Variants in LRRC4C observed in about 807,000 individuals in gnomAD.
LRRC4C encodes leucine-rich repeat-containing protein 4C.
Under a neutral mutation model 33.6 loss-of-function variants are expected in LRRC4C, and 5 were observed. That is an observed-to-expected ratio of 0.15 (90% CI 0.08 to 0.31). The LOEUF (loss-of-function observed/expected upper bound fraction) is 0.31. Among genes scored for constraint, LRRC4C ranks in the 10% least tolerant of loss-of-function variants. The probability of loss-of-function intolerance (pLI) is 1.00; values close to 1 mark genes in which losing one functional copy is unlikely to be tolerated. For missense variants in LRRC4C, 560 were observed against 796.7 expected (o/e 0.70, Z 3.58); for synonymous variants, 329 against 302.0 (o/e 1.09, Z -0.93).
Position 40,795,599 on chromosome 11 carries a change from A to T in LRRC4C, c.-407+138036T>A, listed in dbSNP as rs376836547. ...AAATAGAAACGGTAATTATGCAGAA[A>T]GGCCCCAGAAGGGTTGCTTTGTGTT... On this transcript the variant is annotated intron_variant, in intron 2 of 6. Transcript: ENST00000528697. Among the ~76,000 whole-genome samples, 5 of 152,294 alleles carry T rather than the reference A, an allele frequency of 3.3e-5. No homozygotes were observed. In the South Asian group the frequency reaches 6.2e-4, roughly 19 times the overall value.
chr11:41,388,591 A>G (rs1317503310), intron 1 of LRRC4C, among the ~76,000 whole-genome samples: 1 of 151,950 alleles, frequency 6.6e-6, no homozygotes, highest in East Asian at 1.9e-4. Flanking sequence ...TGCCTTGAAG[A>G]ATCAGTTGAA....
At chr11:40,829,353 A>G (rs1952306024) in intron 2 of LRRC4C, among the ~76,000 whole-genome samples, 1 of 152,006 alleles carries the variant, frequency 6.6e-6, no homozygotes. Context: ...TGCTTTATAG[A>G]TGGAAAGGTT....
At chr11:40,811,972 C>T (rs1565090831) in intron 2 of LRRC4C, among the ~76,000 whole-genome samples, 1 of 152,124 alleles carries the variant, frequency 6.6e-6, no homozygotes, top group African/African-American at 2.4e-5. Context: ...AGAATGCAGC[C>T]ATTATTATTA....
chr11:40,421,667 G>A (rs975587711), intron 3 of LRRC4C, among the ~76,000 whole-genome samples: 2 of 152,090 alleles, frequency 1.3e-5, no homozygotes, highest in African/African-American at 4.8e-5. Flanking sequence ...TTCCAGTAGT[G>A]AGATTAAAAT....
chr11:40,410,434 A>G (rs1950116397), intron 3 of LRRC4C, among the ~76,000 whole-genome samples: 1 of 152,104 alleles, frequency 6.6e-6, no homozygotes, highest in African/African-American at 2.4e-5. Context: ...CCATATTTCA[A>G]CTGCTCAAAG....
chr11:41,139,230 A>G (rs1943398348), intron 1 of LRRC4C, among the ~76,000 whole-genome samples: 1 of 152,234 alleles, frequency 6.6e-6, no homozygotes, highest in African/African-American at 2.4e-5. Context: ...AATAACAACC[A>G]ATGGGAACAA....
chr11:41,048,502 A>T (rs943857898), intron 1 of LRRC4C, among the ~76,000 whole-genome samples: 1 of 151,910 alleles, frequency 6.6e-6, no homozygotes, highest in African/African-American at 2.4e-5. Context: ...TGACCTCGTG[A>T]TCCACCCTCC....
At chr11:40,353,288 C>T (rs1388885805) in intron 3 of LRRC4C, among the ~76,000 whole-genome samples, 1 of 151,710 alleles carries the variant, frequency 6.6e-6, no homozygotes, top group Non-Finnish European at 1.5e-5. Flanking sequence ...CTTTTGTCTT[C>T]TCTGCTTGTC....
intron 3 of LRRC4C, among the ~76,000 whole-genome samples, chr11:40,634,724 A>AT (rs1565582729): frequency 3.3e-5 from 5 of 151,772 alleles, no homozygotes; most frequent in Non-Finnish European, 5.9e-5. Context: ...AGAAAATAAA[A>AT]AAAAAAAATT....
intron 3 of LRRC4C, among the ~76,000 whole-genome samples, chr11:40,325,921 C>A (rs1590323360): frequency 6.6e-6 from 1 of 151,998 alleles, no homozygotes; most frequent in East Asian, 1.9e-4. Context: ...TCTAGTGAGG[C>A]CAGAGGCATG....
intron 2 of LRRC4C, among the ~76,000 whole-genome samples, chr11:40,862,007 T>G (rs1331312168): frequency 1.3e-5 from 2 of 152,064 alleles, no homozygotes; most frequent in African/African-American, 4.8e-5. Flanking sequence ...CAATGTAAAA[T>G]CTGGAGGCAA....
intron 2 of LRRC4C, among the ~76,000 whole-genome samples, chr11:40,889,224 A>G (rs1283660796): frequency 3.3e-5 from 5 of 152,120 alleles, no homozygotes; most frequent in Admixed American, 3.3e-4. Context: ...GTCCTTTAAA[A>G]TATAGCTAGG....
intron 1 of LRRC4C, among the ~76,000 whole-genome samples, chr11:40,977,163 G>A (rs533258939): frequency 6.6e-6 from 1 of 152,176 alleles, no homozygotes; most frequent in East Asian, 1.9e-4. Context: ...GATCTGACAA[G>A]AATCAGAACT....
At chr11:40,984,384 A>C (rs1219803584) in intron 1 of LRRC4C, among the ~76,000 whole-genome samples, 1 of 86,194 alleles carries the variant, frequency 1.2e-5, no homozygotes, top group Admixed American at 1.1e-4. Context: ...AGAAAGAAAG[A>C]AAGAAAGAAA....
chr11:41,012,562 C>G (rs935137489), intron 1 of LRRC4C, among the ~76,000 whole-genome samples: 1 of 152,058 alleles, frequency 6.6e-6, no homozygotes, highest in Non-Finnish European at 1.5e-5. Context: ...GCAGATATCC[C>G]TTCAGTATCT....
intron 1 of LRRC4C, among the ~76,000 whole-genome samples, chr11:41,112,795 C>G (rs1445191054): frequency 6.6e-6 from 1 of 152,038 alleles, no homozygotes; most frequent in Non-Finnish European, 1.5e-5. Context: ...AGAGCACATT[C>G]ATTATACTCA....
intron 1 of LRRC4C, among the ~76,000 whole-genome samples, chr11:41,013,316 A>T (rs1331901068): frequency 6.6e-6 from 1 of 152,090 alleles, no homozygotes; most frequent in Non-Finnish European, 1.5e-5. Flanking sequence ...CACGTTTTTA[A>T]TTTTGGGCAT....
chr11:40,882,286 T>A (rs1955220454), intron 2 of LRRC4C, among the ~76,000 whole-genome samples: 1 of 151,964 alleles, frequency 6.6e-6, no homozygotes, highest in South Asian at 2.1e-4. Context: ...GATACAGTGA[T>A]CAAATACTGT....
At chr11:41,055,365 C>T (rs1369527296) in intron 1 of LRRC4C, among the ~76,000 whole-genome samples, 1 of 152,056 alleles carries the variant, frequency 6.6e-6, no homozygotes, top group Non-Finnish European at 1.5e-5. Context: ...ACAAATAAAG[C>T]TATTATAAAC....
Sources: allele counts gnomAD v4.1 joint callset (sites outside exome capture counted in the v4.1 genomes callset), GRCh38; gene constraint gnomAD v4.1.1; transcripts MANE v1.5; gene names NCBI Gene and HGNC (gene_info 2026-07-23, HGNC 2026-07-21).